Variants in NSMCE4A observed in about 807,000 individuals in gnomAD.
NSMCE4A encodes the protein non-structural maintenance of chromosomes element 4 homolog A.
A neutral mutation model predicts 47.9 loss-of-function variants in NSMCE4A; 40 were observed. That is an observed-to-expected ratio of 0.83 (90% confidence interval 0.65 to 1.09). NSMCE4A has a LOEUF of 1.09. NSMCE4A is among the 50% of genes least tolerant of loss of function. The probability of loss-of-function intolerance (pLI) is 0.00; values close to 1 mark genes in which losing one functional copy is unlikely to be tolerated. For missense variants in NSMCE4A, 500 were observed against 507.0 expected (o/e 0.99, Z 0.13); for synonymous variants, 166 against 178.5 (o/e 0.93, Z 0.56).
In NSMCE4A at chr10:121,975,143, CG is replaced by C; in HGVS notation, c.22del (p.Arg8AlafsTer60). On this transcript the variant is annotated frameshift_variant, in exon 1 of 11. Transcript: ENST00000369023. LOFTEE classifies it high-confidence loss of function. Reference protein sequence around the residue: MSGDSSGRGPEGRGRGRD... With the variant: MSGDSSGXGPEGRGRGRD... ...GCCCCGGCCCCGGCCCTCTGGCCCG[CG>C]GCCGCTGCTGTCCCCAGACATAGCG... 1.4e-6 allele frequency: 2 copies of C among 1,407,014 alleles called. No individual in the cohort carries two copies. Among genetic ancestry groups the C allele is most frequent in the Non-Finnish European group, 1.8e-6 (2 of 1,092,560 alleles). The allele number at this position is 1,407,014 out of a possible 1,614,324, so 87.2% of individuals were successfully genotyped here. A position where few individuals can be genotyped will look rare whatever the true frequency, so the allele number is the denominator to read the frequency against.
chr10:121,974,792 T>G (rs1952785777), intron 1 of NSMCE4A, 82 bp downstream of exon 1: 1 of 1,216,274 alleles, frequency 8.2e-7, no homozygotes, highest in Non-Finnish European at 1.0e-6. Context: ...GGCACCTGCC[T>G]CCGGTGCCCT....
At chr10:121,964,291 C>T (rs112014222) in intron 5 of NSMCE4A, among the ~76,000 whole-genome samples, 4,787 of 151,288 alleles carry the variant, frequency 0.032, 147 homozygotes, top group African/African-American at 0.077. Context: ...TAGAGGCACC[C>T]ACCACCACAT....
At position 121,967,725 on chromosome 10, in the gene NSMCE4A, A is replaced by G. The variant is rs752002782; in HGVS notation, c.583T>C (p.Tyr195His). 2 of 1,614,182 alleles carry G rather than the reference A, an allele frequency of 1.2e-6. No individual in the cohort carries two copies. Among genetic ancestry groups the G allele is most frequent in the Non-Finnish European group, 8.5e-7 (1 of 1,180,016 alleles). The change falls in exon 4 of 11, where the codon TAT (tyrosine) becomes CAT (histidine). Residue 195 changes from tyrosine (Y) to histidine (H), a missense_variant. By Grantham distance (83) the Tyr-to-His change is moderately conservative. Transcript: ENST00000369023. Reference sequence around the variant, plus strand: ...CTGCCTGTTATCTTCCAGGAGTCATAGACTATGAATTCAAAATCAGGACTA... The same window carrying G: ...CTGCCTGTTATCTTCCAGGAGTCATGGACTATGAATTCAAAATCAGGACTA... ...EDSPDFEFIV[Y>H]DSWKITGRTA...
chr10:121,974,135 A>C, intron 1 of NSMCE4A, 54 bp from the exon 2 acceptor site: 2 of 1,474,670 alleles, frequency 1.4e-6, no homozygotes, highest in Non-Finnish European at 1.9e-6. Flanking sequence ...ACTAATAAGC[A>C]GTTGACAAGG....
At chr10:121,970,872 A>G in intron 3 of NSMCE4A, 67 bp downstream of exon 3, 1 of 1,358,664 alleles carries the variant, frequency 7.4e-7, no homozygotes, top group Non-Finnish European at 1.0e-6. Flanking sequence ...TATGGATATG[A>G]GCACAGTAAA....
At chr10:121,974,122 T>A in intron 1 of NSMCE4A, 41 bp from the exon 2 acceptor site, 1 of 1,517,514 alleles carries the variant, frequency 6.6e-7, no homozygotes, top group Non-Finnish European at 9.0e-7. Context: ...TTGTTCAGCA[T>A]TCACTAATAA....
In NSMCE4A at chr10:121,970,936, T is replaced by TA; in HGVS notation, c.501+2dup. On this transcript the variant is annotated splice_region_variant and intron_variant, in intron 3 of 10. Transcript: ENST00000369023. ...TATTCAGAGTCTGTAGCTTTGAACT[T>TA]ACTAGAGTTTCAACATATCTTAACA... 1 of 1,605,634 alleles carries TA rather than the reference T, an allele frequency of 6.2e-7. No individual in the cohort carries two copies. Among genetic ancestry groups the TA allele is most frequent in the South Asian group, 1.1e-5 (1 of 89,144 alleles).
At chr10:121,963,352 G>T in intron 5 of NSMCE4A, 24 bp from the exon 6 acceptor site, 1 of 1,391,650 alleles carries the variant, frequency 7.2e-7, no homozygotes, top group Non-Finnish European at 1.0e-6. Flanking sequence ...TTATCAAGCT[G>T]ACAGACCTAC....
chr10:121,964,688 C>T (rs1952572910), intron 5 of NSMCE4A, among the ~76,000 whole-genome samples: 2 of 152,178 alleles, frequency 1.3e-5, no homozygotes, highest in Middle Eastern at 3.2e-3. Flanking sequence ...GATCTGCCCG[C>T]CTCGGCCTCC....
chr10:121,959,478 A>C, intron 9 of NSMCE4A, 23 bp downstream of exon 9: 1 of 1,612,278 alleles, frequency 6.2e-7, no homozygotes, highest in Non-Finnish European at 8.5e-7. Context: ...AGAACTATGC[A>C]GGGGCAACAG....
intron 5 of NSMCE4A, among the ~76,000 whole-genome samples, chr10:121,964,117 A>G (rs1952558438): frequency 7.8e-6 from 1 of 127,620 alleles, no homozygotes; most frequent in South Asian, 2.6e-4. Flanking sequence ...TGGTTTAAAA[A>G]AAAACAGATT....
intron 4 of NSMCE4A, 77 bp from the exon 5 acceptor site, chr10:121,965,462 G>T: frequency 9.2e-7 from 1 of 1,081,492 alleles, no homozygotes; most frequent in Non-Finnish European, 1.4e-6. Context: ...ACTAAAAGTA[G>T]TTTGCATGGT....
chr10:121,957,884 G>A (rs7923863), intron 10 of NSMCE4A, among the ~76,000 whole-genome samples: 14,885 of 151,948 alleles, frequency 0.098, 811 homozygotes, highest in Admixed American at 0.18. Flanking sequence ...TCTTAGCAAT[G>A]ATCTAGCTTG....
At chr10:121,961,722 G>C (rs1952502449) in intron 6 of NSMCE4A, 1 of 460,416 alleles carries the variant, frequency 2.2e-6, no homozygotes. Context: ...AAGAAGCTGT[G>C]CTACAGAAAT....
At chr10:121,958,557 GAAC>G (rs909800654) in intron 10 of NSMCE4A, among the ~76,000 whole-genome samples, 1 of 152,146 alleles carries the variant, frequency 6.6e-6, no homozygotes, top group African/African-American at 2.4e-5. Context: ...ATGGGATGGT[GAAC>G]AACAACATGG....
chr10:121,969,478 T>G (rs1341550345), intron 3 of NSMCE4A, among the ~76,000 whole-genome samples: 1 of 147,358 alleles, frequency 6.8e-6, no homozygotes, highest in Non-Finnish European at 1.5e-5. Flanking sequence ...CTAAGTGCAT[T>G]ATGTTTCACA....
At chr10:121,971,220 C>T (rs1485587347) in intron 2 of NSMCE4A, 151 bp from the exon 3 acceptor site, 59 of 748,622 alleles carry the variant, frequency 7.9e-5, no homozygotes, top group Non-Finnish European at 1.1e-4. Context: ...CCTTCTAAAA[C>T]GTGCTCCTGG....
intron 1 of NSMCE4A, 98 bp from the exon 2 acceptor site, chr10:121,974,179 C>A: frequency 7.4e-7 from 1 of 1,350,602 alleles, no homozygotes; most frequent in Non-Finnish European, 1.0e-6. Context: ...AAGCCCCGGC[C>A]CCTGCGCTCT....
chr10:121,957,419 CTTCTT>C (rs1952413944), intron 10 of NSMCE4A, among the ~76,000 whole-genome samples, 160 bp from the exon 11 acceptor site: 1 of 126,040 alleles, frequency 7.9e-6, no homozygotes, highest in Non-Finnish European at 1.6e-5. Flanking sequence ...TTATTCCCTT[CTTCTT>C]TTTTCTTTTT....
Sources: allele counts gnomAD v4.1 joint callset (sites outside exome capture counted in the v4.1 genomes callset), GRCh38; gene constraint gnomAD v4.1.1; transcripts MANE v1.5; gene names NCBI Gene and HGNC (gene_info 2026-07-23, HGNC 2026-07-21).